Variants in SLCO5A1 observed in about 807,000 individuals in gnomAD.
The protein encoded by SLCO5A1 is solute carrier organic anion transporter family member 5A1.
Under a neutral mutation model 65.1 loss-of-function variants are expected in SLCO5A1, and 39 were observed. The ratio of observed to expected loss-of-function variants is 0.60; its 90% CI spans 0.46 to 0.78. SLCO5A1 has a LOEUF of 0.78. Among genes scored for constraint, SLCO5A1 ranks in the 30% least tolerant of loss-of-function variants. The probability of loss-of-function intolerance (pLI) is 0.00; values close to 1 mark genes in which losing one functional copy is unlikely to be tolerated. For missense variants in SLCO5A1, 1,029 were observed against 1,069.4 expected, an observed-to-expected ratio of 0.96 and a Z score of 0.53; for synonymous variants, 438 against 415.7, an observed-to-expected ratio of 1.05 and a Z score of -0.65.
rs1424120210 is a variant in SLCO5A1 at position 69,682,309 on chromosome 8, C to T, written c.1657G>A (p.Gly553Arg). 1 of 1,610,484 alleles carries T rather than the reference C, an allele frequency of 6.2e-7. No homozygotes were observed. Residue 553 changes from glycine (G) to arginine (R), a missense_variant, in exon 7 of 10, where the codon GGA becomes AGA. Transcript: ENST00000260126. ...SLTMPHRNLTGSCNVNCGCKI... is the reference protein window; with the variant it reads ...SLTMPHRNLTRSCNVNCGCKI... ...CAACCACAATTAACGTTGCAGCTTC[C>T]TGTCAGATTCCTATGGGGCATGGTG...
chr8:69,722,922 T>C (rs2130828171), intron 5 of SLCO5A1, among the ~76,000 whole-genome samples: 1 of 152,260 alleles, frequency 6.6e-6, no homozygotes, highest in African/African-American at 2.4e-5. Context: ...TGACTGACTA[T>C]TCTTGATGCA....
chr8:69,763,716 C>T (rs1817918159), intron 2 of SLCO5A1, among the ~76,000 whole-genome samples: 1 of 141,306 alleles, frequency 7.1e-6, no homozygotes, highest in African/African-American at 2.6e-5. Flanking sequence ...TCAATTTTCA[C>T]TTTTATAATT....
At chr8:69,687,202 A>C (rs950210770) in intron 6 of SLCO5A1, among the ~76,000 whole-genome samples, 2 of 152,192 alleles carry the variant, frequency 1.3e-5, no homozygotes, top group Admixed American at 6.5e-5. Flanking sequence ...AACTAGATGG[A>C]GATCTAGTTT....
At chr8:69,760,981 G>C (rs1365463470) in intron 3 of SLCO5A1, among the ~76,000 whole-genome samples, 2 of 152,332 alleles carry the variant, frequency 1.3e-5, no homozygotes, top group East Asian at 3.9e-4. Flanking sequence ...TCCAGGCAGT[G>C]GGAGAGGGTT....
intron 3 of SLCO5A1, among the ~76,000 whole-genome samples, chr8:69,756,515 A>G (rs999031258): frequency 2.0e-5 from 3 of 152,246 alleles, no homozygotes; most frequent in African/African-American, 4.8e-5. Context: ...CTTGCCTTCA[A>G]GAACCTACAA....
chr8:69,826,982 T>C (rs558792674), intron 2 of SLCO5A1, among the ~76,000 whole-genome samples: 42 of 151,972 alleles, frequency 2.8e-4, no homozygotes, highest in Admixed American at 2.7e-3. Flanking sequence ...AAATGATGAG[T>C]TCATGTCCTT....
chr8:69,815,188 A>G (rs1820353949), intron 2 of SLCO5A1, among the ~76,000 whole-genome samples: 1 of 152,232 alleles, frequency 6.6e-6, no homozygotes, highest in Admixed American at 6.5e-5. Flanking sequence ...ATTTGAAATG[A>G]TAGATATGTT....
intron 5 of SLCO5A1, among the ~76,000 whole-genome samples, chr8:69,706,171 C>A (rs1814960782): frequency 6.6e-6 from 1 of 152,164 alleles, no homozygotes; most frequent in South Asian, 2.1e-4. Context: ...ATGGAAGGAA[C>A]CACATGCAGC....
At chr8:69,814,547 A>C (rs1286232052) in intron 2 of SLCO5A1, among the ~76,000 whole-genome samples, 1 of 152,216 alleles carries the variant, frequency 6.6e-6, no homozygotes, top group African/African-American at 2.4e-5. Flanking sequence ...AAACTTGTAC[A>C]CTGCTAATGG....
At position 69,667,716 on chromosome 8, in the gene SLCO5A1, A is replaced by G. The variant is rs1004202823; in HGVS notation, c.*5153T>C. 4 of 152,246 alleles carry G rather than the reference A, an allele frequency of 2.6e-5. No homozygotes were observed. Among genetic ancestry groups the G allele is most frequent in the Non-Finnish European group, 5.9e-5 (4 of 68,044 alleles). 9.4% of individuals were successfully genotyped at this position (152,246 alleles called of 1,614,324 possible). A position where few individuals can be genotyped will look rare whatever the true frequency, so the allele number is the denominator to read the frequency against. ...GTTAAAAATACCTTACATGGGTGTAATCTTTTTGGAGAAGAAATAAGAAAA... is the reference window on the plus strand; with the variant it reads ...GTTAAAAATACCTTACATGGGTGTAGTCTTTTTGGAGAAGAAATAAGAAAA... On this transcript the variant is annotated 3_prime_UTR_variant, in exon 10 of 10. Coordinates refer to ENST00000260126, the MANE Select transcript of SLCO5A1 (RefSeq NM_030958.3).
At chr8:69,820,675 A>G (rs55797554) in intron 2 of SLCO5A1, among the ~76,000 whole-genome samples, 3,730 of 152,250 alleles carry the variant, frequency 0.024, 70 homozygotes, top group Non-Finnish European at 0.041. Flanking sequence ...CTACAAAAAA[A>G]TATATTTAAA....
At chr8:69,718,261 AT>A (rs1265331220) in intron 5 of SLCO5A1, among the ~76,000 whole-genome samples, 3 of 152,210 alleles carry the variant, frequency 2.0e-5, no homozygotes, top group Non-Finnish European at 4.4e-5. Flanking sequence ...CTTGTTGAAC[AT>A]ATTTATTAGT....
intron 2 of SLCO5A1, among the ~76,000 whole-genome samples, chr8:69,828,388 G>A (rs1821013358): frequency 6.6e-6 from 1 of 152,092 alleles, no homozygotes; most frequent in South Asian, 2.1e-4. Flanking sequence ...GGATCACGAG[G>A]TCAGGAGATT....
chr8:69,771,886 T>G (rs766536514), intron 2 of SLCO5A1, among the ~76,000 whole-genome samples: 1 of 152,248 alleles, frequency 6.6e-6, no homozygotes, highest in East Asian at 1.9e-4. Flanking sequence ...AGTTCTCTGA[T>G]GAATAACTGC....
At chr8:69,763,584 C>A (rs1817904444) in intron 2 of SLCO5A1, among the ~76,000 whole-genome samples, 1 of 112,824 alleles carries the variant, frequency 8.9e-6, no homozygotes, top group Admixed American at 1.3e-4. Flanking sequence ...CACACCACTG[C>A]ACTCCAGGCT....
chr8:69,731,421 T>G (rs1011759676), intron 5 of SLCO5A1, among the ~76,000 whole-genome samples: 1 of 152,268 alleles, frequency 6.6e-6, no homozygotes, highest in African/African-American at 2.4e-5. Context: ...GAAATGCCAA[T>G]GTGTTTCTTA....
At chr8:69,753,971 A>G (rs914370742) in intron 4 of SLCO5A1, among the ~76,000 whole-genome samples, 2 of 149,804 alleles carry the variant, frequency 1.3e-5, no homozygotes, top group South Asian at 2.1e-4. Flanking sequence ...AGTGGAGATC[A>G]CACCACTGCA....
In SLCO5A1 at chr8:69,679,626, G is replaced by A. The variant is rs749342500; in HGVS notation, c.1783-7C>T. On this transcript the variant is annotated splice_region_variant and splice_polypyrimidine_tract_variant and intron_variant, in intron 7 of 9. Coordinates refer to ENST00000260126, the MANE Select transcript of SLCO5A1 (RefSeq NM_030958.3). ...ATTCTGTATAATTCCGTATCTAAGT[G>A]AGCAAAATAAAGATGAGTTGTGTGC... 17 of 1,612,648 alleles carry A rather than the reference G, an allele frequency of 1.1e-5. No individual in the cohort carries two copies. In the South Asian group the frequency reaches 1.3e-4, roughly 13 times the overall value.
At chr8:69,694,663 C>A (rs1023098539) in intron 6 of SLCO5A1, among the ~76,000 whole-genome samples, 1 of 152,178 alleles carries the variant, frequency 6.6e-6, no homozygotes, top group South Asian at 2.1e-4. Context: ...AAAAGTGGCA[C>A]GCCTATACAG....
Sources: gnomAD v4.1 joint callset for allele counts (sites outside exome capture counted in the v4.1 genomes callset) on GRCh38, gnomAD v4.1.1 for gene constraint, MANE v1.5 for transcripts, NCBI Gene and HGNC (gene_info 2026-07-23, HGNC 2026-07-21) for gene names.